MBNL2: variants seen among roughly 807,000 people sequenced by gnomAD.
MBNL2 encodes muscleblind like splicing regulator 2, also known as muscleblind-like protein 2.
Under a neutral mutation model 41.9 loss-of-function variants are expected in MBNL2, and 17 were observed. That is an observed-to-expected ratio of 0.41 (90% CI 0.28 to 0.61). The LOEUF (loss-of-function observed/expected upper bound fraction) is 0.61, where lower values mean the gene tolerates loss of function less well. Ranked by LOEUF, MBNL2 falls within the 20% of genes least tolerant of loss-of-function variation. The pLI is 0.35. For synonymous variants in MBNL2, 195 were observed against 182.9 expected (o/e 1.07, Z -0.53); for missense variants, 336 against 505.6 (o/e 0.66, Z 3.22).
chr13:97,144,423 CTTTTTTTTTTTTT>C, the MBNL2 span, among the ~76,000 whole-genome samples: 1 of 118,108 alleles, frequency 8.5e-6, no homozygotes, highest in South Asian at 2.7e-4. Flanking sequence ...CATGATACTT[CTTTTTTTTTTTTT>C]TTTTTTTTTT....
chr13:97,353,973 C>T (rs1302229666), intron 5 of MBNL2, among the ~76,000 whole-genome samples: 1 of 151,392 alleles, frequency 6.6e-6, no homozygotes, highest in Admixed American at 6.6e-5. Context: ...CTGGTCTTTG[C>T]CTATCATGTC....
the MBNL2 span, among the ~76,000 whole-genome samples, chr13:97,149,761 A>T: frequency 6.6e-6 from 1 of 152,080 alleles, no homozygotes; most frequent in Non-Finnish European, 1.5e-5. Context: ...TAGATCATGG[A>T]CAGACAGCTT....
chr13:97,373,605 A>AATATATATATAT (rs35049420), intron 8 of MBNL2, among the ~76,000 whole-genome samples: 531 of 145,392 alleles, frequency 3.7e-3, no homozygotes, highest in African/African-American at 8.4e-3. Flanking sequence ...GTATGCTAAA[A>AATATATATATAT]ATATATATAT....
chr13:97,219,892 T>A (rs1290789182), upstream of MBNL2, among the ~76,000 whole-genome samples: 1 of 152,234 alleles, frequency 6.6e-6, no homozygotes, highest in Non-Finnish European at 1.5e-5. Flanking sequence ...ATTTAAATCA[T>A]CATGATAAAA....
the MBNL2 span, among the ~76,000 whole-genome samples, chr13:97,146,683 T>C: frequency 6.6e-6 from 1 of 152,056 alleles, no homozygotes; most frequent in African/African-American, 2.4e-5. Context: ...GAATATTCAT[T>C]ATAATGCATG....
In MBNL2 at chr13:97,393,085, G is replaced by A. The variant is rs1030121183; in HGVS notation, c.*1636G>A. Reference sequence around the variant, plus strand: ...AACCCTATCTAAAAGAAAGTCACACGCTAAATGTATTCTTACATAGTGCTT... The same window carrying A: ...AACCCTATCTAAAAGAAAGTCACACACTAAATGTATTCTTACATAGTGCTT... On this transcript the variant is annotated 3_prime_UTR_variant, in exon 9 of 9. Coordinates refer to ENST00000679496, the MANE Select transcript of MBNL2 (RefSeq NM_001382683.1). The A allele has an allele frequency of 1.3e-5, 2 of 152,314 alleles. No individual in the cohort carries two copies. The highest frequency in any genetic ancestry group is 4.8e-5 in the African/African-American group (2 of 41,384). 9.4% of individuals were successfully genotyped at this position (152,314 alleles called of 1,614,324 possible).
intron 1 of MBNL2, among the ~76,000 whole-genome samples, chr13:97,243,447 C>A (rs2044737548): frequency 6.6e-6 from 1 of 152,044 alleles, no homozygotes; most frequent in Admixed American, 6.5e-5. Flanking sequence ...GGAAAGGGGG[C>A]ACAAGGATCA....
chr13:97,327,686 T>C (rs2060024085), intron 2 of MBNL2, among the ~76,000 whole-genome samples: 2 of 152,076 alleles, frequency 1.3e-5, no homozygotes, highest in South Asian at 4.1e-4. Context: ...GCCATGTTGA[T>C]TAGCCCTGGC....
At chr13:97,280,502 A>G (rs929941767) in intron 2 of MBNL2, among the ~76,000 whole-genome samples, 1 of 152,216 alleles carries the variant, frequency 6.6e-6, no homozygotes, top group African/African-American at 2.4e-5. Flanking sequence ...ATCTTTTGTA[A>G]TAAAAATTCA....
chr13:97,184,142 G>T, the MBNL2 span, among the ~76,000 whole-genome samples: 2 of 152,100 alleles, frequency 1.3e-5, no homozygotes, highest in African/African-American at 4.8e-5. Flanking sequence ...CTTGTTAGGG[G>T]GAGAAAAGAC....
chr13:97,386,206 G>A (rs781623060), intron 8 of MBNL2, among the ~76,000 whole-genome samples: 1 of 152,228 alleles, frequency 6.6e-6, no homozygotes, highest in Non-Finnish European at 1.5e-5. Context: ...TGCCTGCCAT[G>A]ATGTTGCCTG....
At chr13:97,210,865 C>A in the MBNL2 span, among the ~76,000 whole-genome samples, 1 of 152,104 alleles carries the variant, frequency 6.6e-6, no homozygotes, top group South Asian at 2.1e-4. Context: ...AGTATTGAAA[C>A]TTCTAAGTGG....
At chr13:97,249,205 T>G (rs181142653) in intron 1 of MBNL2, among the ~76,000 whole-genome samples, 75 of 152,350 alleles carry the variant, frequency 4.9e-4, no homozygotes, top group Admixed American at 8.5e-4. Flanking sequence ...TGAGATAATG[T>G]GAATTCCCTA....
the MBNL2 span, among the ~76,000 whole-genome samples, chr13:97,185,287 T>C: frequency 6.6e-6 from 1 of 152,194 alleles, no homozygotes; most frequent in Non-Finnish European, 1.5e-5. Context: ...AATAACTTAG[T>C]TTTATAAAAG....
At chr13:97,325,145 C>A (rs748693655) in intron 2 of MBNL2, among the ~76,000 whole-genome samples, 1 of 152,140 alleles carries the variant, frequency 6.6e-6, no homozygotes, top group Admixed American at 6.5e-5. Context: ...AAACTACCCC[C>A]GTGACTCAGA....
At chr13:97,173,246 T>C in the MBNL2 span, among the ~76,000 whole-genome samples, 1 of 152,144 alleles carries the variant, frequency 6.6e-6, no homozygotes, top group Non-Finnish European at 1.5e-5. Flanking sequence ...GGTAAGACAC[T>C]GAGAGGAATT....
chr13:97,367,358 C>T (rs375743138), intron 8 of MBNL2, among the ~76,000 whole-genome samples: 3 of 152,210 alleles, frequency 2.0e-5, no homozygotes, highest in Admixed American at 2.0e-4. Context: ...TGAGCAGAAA[C>T]TCTCACCTCG....
chr13:97,293,507 T>TAC (rs1190583151), intron 2 of MBNL2, among the ~76,000 whole-genome samples: 2 of 152,232 alleles, frequency 1.3e-5, no homozygotes, highest in Admixed American at 6.5e-5. Context: ...GTTCTTAAGG[T>TAC]ACAAGGTTAT....
At chr13:97,307,174 A>G (rs993346990) in intron 2 of MBNL2, among the ~76,000 whole-genome samples, 3 of 152,024 alleles carry the variant, frequency 2.0e-5, no homozygotes, top group Non-Finnish European at 2.9e-5. Context: ...AACCATGTTG[A>G]TTGATTGGTT....
Sources: gnomAD v4.1 joint callset for allele counts (sites outside exome capture counted in the v4.1 genomes callset) on GRCh38, gnomAD v4.1.1 for gene constraint, MANE v1.5 for transcripts, NCBI Gene and HGNC (gene_info 2026-07-23, HGNC 2026-07-21) for gene names.